Variants in ACBD6 observed in about 807,000 individuals in gnomAD.
ACBD6 encodes acyl-CoA binding domain containing 6, also known as acyl-CoA-binding domain-containing protein 6.
Under a neutral mutation model 37.2 loss-of-function variants are expected in ACBD6, and 28 were observed. The observed-to-expected ratio is 0.75, with a 90% confidence interval of 0.56 to 1.03. The LOEUF is 1.03. ACBD6 is among the 50% of genes least tolerant of loss of function. The pLI, the probability that ACBD6 is intolerant of heterozygous loss-of-function variation, is 0.00. For missense variants in ACBD6, 340 were observed against 337.4 expected, an observed-to-expected ratio of 1.01 and a Z score of -0.06; for synonymous variants, 113 against 126.8, an observed-to-expected ratio of 0.89 and a Z score of 0.73.
intron 1 of ACBD6, among the ~76,000 whole-genome samples, chr1:180,496,840 T>C (rs1033743484): frequency 6.6e-6 from 1 of 152,104 alleles, no homozygotes; most frequent in African/African-American, 2.4e-5. Context: ...GACCAAACAC[T>C]TCACATATTT....
intron 7 of ACBD6, among the ~76,000 whole-genome samples, chr1:180,288,993 T>C (rs181513025): frequency 6.8e-6 from 1 of 147,338 alleles, no homozygotes; most frequent in African/African-American, 2.5e-5. Flanking sequence ...GTAAATTTTT[T>C]AAAAAAAAGC....
intron 6 of ACBD6, among the ~76,000 whole-genome samples, chr1:180,393,340 G>C (rs1018595493): frequency 7.2e-5 from 11 of 151,986 alleles, no homozygotes; most frequent in African/African-American, 2.4e-4. Context: ...TAGACTGAAG[G>C]GTAAAAAATG....
intron 6 of ACBD6, among the ~76,000 whole-genome samples, chr1:180,381,272 C>T (rs1653636383): frequency 6.6e-6 from 1 of 152,152 alleles, no homozygotes; most frequent in South Asian, 2.1e-4. Context: ...CAATTGGGGA[C>T]TTTAATACAC....
intron 8 of ACBD6, among the ~76,000 whole-genome samples, chr1:180,282,177 C>G (rs1196497925): frequency 6.6e-6 from 1 of 152,122 alleles, no homozygotes; most frequent in Non-Finnish European, 1.5e-5. Flanking sequence ...TCAGAACTTA[C>G]AAGGCTCATA....
Position 180,356,032 on chromosome 1 carries a change from T to C in ACBD6, c.664-41310A>G, listed in dbSNP as rs968919827. Reference sequence around the variant, plus strand: ...ACAGGCACACGCCACCACGCCCGGCTAATTTTTTTTTTGTATTTTTAGTAG... The same window carrying C: ...ACAGGCACACGCCACCACGCCCGGCCAATTTTTTTTTTGTATTTTTAGTAG... On this transcript the variant is annotated intron_variant, in intron 6 of 7. Coordinates refer to ENST00000367595, the MANE Select transcript of ACBD6 (RefSeq NM_032360.4). Among the ~76,000 whole-genome samples the C allele has an allele frequency of 1.2e-4, 12 of 98,578 alleles. No homozygotes were observed. In the South Asian group the frequency reaches 4.2e-3, roughly 34 times the overall value. The allele number at this position is 98,578 out of a possible 152,430, so 64.7% of individuals were successfully genotyped here.
intron 6 of ACBD6, among the ~76,000 whole-genome samples, chr1:180,385,988 G>A (rs1229240121): frequency 2.0e-5 from 3 of 152,146 alleles, no homozygotes; most frequent in African/African-American, 7.2e-5. Flanking sequence ...TGGCCAACAT[G>A]GTGAAACCCT....
chr1:180,398,077 A>T (rs1374596651), intron 5 of ACBD6, among the ~76,000 whole-genome samples: 1 of 151,930 alleles, frequency 6.6e-6, no homozygotes, highest in Non-Finnish European at 1.5e-5. Flanking sequence ...CAACAACAAC[A>T]ACAACAACAA....
intron 3 of ACBD6, among the ~76,000 whole-genome samples, chr1:180,465,729 T>C (rs549550855): frequency 2.0e-5 from 3 of 152,190 alleles, no homozygotes; most frequent in Admixed American, 2.0e-4. Flanking sequence ...ACTGCAGCAC[T>C]GTTCATAATA....
At chr1:180,369,758 T>G (rs1653185055) in intron 6 of ACBD6, among the ~76,000 whole-genome samples, 1 of 152,184 alleles carries the variant, frequency 6.6e-6, no homozygotes, top group Non-Finnish European at 1.5e-5. Context: ...TGCATAACCT[T>G]CATCTAAGAG....
intron 6 of ACBD6, among the ~76,000 whole-genome samples, chr1:180,330,324 G>A (rs943897003): frequency 2.6e-5 from 4 of 151,690 alleles, no homozygotes; most frequent in African/African-American, 7.3e-5. Flanking sequence ...AGAGGCTGAG[G>A]TGGGAGGATC....
At chr1:180,308,125 G>A (rs1445460722) in intron 7 of ACBD6, among the ~76,000 whole-genome samples, 1 of 151,592 alleles carries the variant, frequency 6.6e-6, no homozygotes, top group Non-Finnish European at 1.5e-5. Context: ...TAACTTATCC[G>A]CTGTAAAATT....
chr1:180,370,128 C>A (rs1302839269), intron 6 of ACBD6, among the ~76,000 whole-genome samples: 1 of 152,024 alleles, frequency 6.6e-6, no homozygotes, highest in Non-Finnish European at 1.5e-5. Flanking sequence ...TTCTCAAGGA[C>A]CCTGGAGTCT....
At chr1:180,439,579 G>A (rs1207143257) in intron 3 of ACBD6, among the ~76,000 whole-genome samples, 1 of 150,388 alleles carries the variant, frequency 6.6e-6, no homozygotes, top group Non-Finnish European at 1.5e-5. Context: ...GACACAGCGA[G>A]ACTCCGTCTC....
At chr1:180,496,122 CTT>C (rs1651731462) in intron 1 of ACBD6, among the ~76,000 whole-genome samples, 1 of 152,098 alleles carries the variant, frequency 6.6e-6, no homozygotes, top group Non-Finnish European at 1.5e-5. Context: ...GTCTTATCAT[CTT>C]TTGTTTGAGG....
At chr1:180,482,168 C>T (rs1022288746) in intron 3 of ACBD6, among the ~76,000 whole-genome samples, 7 of 151,860 alleles carry the variant, frequency 4.6e-5, no homozygotes, top group African/African-American at 1.7e-4. Flanking sequence ...ATTATGACTG[C>T]CTTCATAGGT....
chr1:180,318,463 A>C (rs1650922892), intron 6 of ACBD6, among the ~76,000 whole-genome samples: 1 of 152,068 alleles, frequency 6.6e-6, no homozygotes, highest in Admixed American at 6.6e-5. Context: ...CTGGACTATA[A>C]GTTTATTTTA....
chr1:180,373,500 T>C (rs1165925358), intron 6 of ACBD6, among the ~76,000 whole-genome samples: 4 of 152,110 alleles, frequency 2.6e-5, no homozygotes, highest in African/African-American at 7.2e-5. Flanking sequence ...TGCAGACAAA[T>C]AGAATGTCAC....
intron 6 of ACBD6, among the ~76,000 whole-genome samples, chr1:180,334,820 C>G (rs567738751): frequency 6.6e-6 from 1 of 152,034 alleles, no homozygotes; most frequent in East Asian, 1.9e-4. Context: ...CCTTAAAGGA[C>G]CTGATGGAGC....
intron 2 of ACBD6, among the ~76,000 whole-genome samples, chr1:180,493,273 A>AAAAAAAG (rs1651592536): frequency 3.7e-5 from 5 of 136,034 alleles, no homozygotes; most frequent in Admixed American, 2.9e-4. Context: ...AAAAAAAAAA[A>AAAAAAAG]AAAAACAACA....
Sources: allele counts gnomAD v4.1 joint callset (sites outside exome capture counted in the v4.1 genomes callset), GRCh38; gene constraint gnomAD v4.1.1; transcripts MANE v1.5; gene names NCBI Gene and HGNC (gene_info 2026-07-23, HGNC 2026-07-21).